Variants in MEGF11 observed in about 807,000 individuals in gnomAD.
MEGF11 encodes the protein multiple epidermal growth factor-like domains protein 11.
MEGF11 carries 126 observed loss-of-function variants against 146.6 expected under a neutral mutation model. The ratio of observed to expected loss-of-function variants is 0.86; its 90% CI spans 0.74 to 1.00. The LOEUF is 1.00. Ranked by LOEUF, MEGF11 falls within the 50% of genes least tolerant of loss-of-function variation. The pLI is 0.00. For synonymous variants in MEGF11, 532 were observed against 583.4 expected (o/e 0.91, Z 1.27); for missense variants, 1,509 against 1,521.2 (o/e 0.99, Z 0.13).
intron 1 of MEGF11, among the ~76,000 whole-genome samples, chr15:66,160,017 A>G (rs774052099): frequency 3.7e-4 from 56 of 151,910 alleles, no homozygotes; most frequent in Non-Finnish European, 2.9e-5. Context: ...CCCTCTCCCC[A>G]TTTTTCTTTG....
chr15:65,909,094 G>A lies in MEGF11; in HGVS notation c.2938C>T (p.Pro980Ser). Residue 980 changes from proline to serine, a missense_variant, in exon 23 of 26, where the codon CCC (proline) becomes TCC (serine). By Grantham distance (74) the Pro-to-Ser change is moderately conservative. Transcript: ENST00000395614. ...CTAAGTTCAATGTAGAAGTCCTCGG[G>A]CGGGTACCTGGCCTCCAGGGCACTG... Reference protein sequence around the residue: ...QISALEARYPPEDFYIELRHL... With the variant: ...QISALEARYPSEDFYIELRHL... The A allele has an allele frequency of 6.5e-7, 1 of 1,535,874 alleles. No homozygotes were observed. Among genetic ancestry groups the A allele is most frequent in the Non-Finnish European group, 8.7e-7 (1 of 1,146,782 alleles).
chr15:66,034,139 C>T (rs142647156), intron 5 of MEGF11, among the ~76,000 whole-genome samples: 23 of 152,290 alleles, frequency 1.5e-4, no homozygotes, highest in Middle Eastern at 3.4e-3. Context: ...CCTTTTGGAA[C>T]GGAAGTGTCT....
At chr15:66,041,635 T>C (rs2140298440) in intron 5 of MEGF11, among the ~76,000 whole-genome samples, 2 of 152,376 alleles carry the variant, frequency 1.3e-5, no homozygotes, top group Middle Eastern at 6.8e-3. Flanking sequence ...TACCTGTGTC[T>C]GCTTTTGCTC....
At chr15:66,150,554 G>A (rs1181635418) in intron 1 of MEGF11, among the ~76,000 whole-genome samples, 2 of 151,392 alleles carry the variant, frequency 1.3e-5, no homozygotes, top group Admixed American at 1.3e-4. Flanking sequence ...TGGGCAAGCA[G>A]GCCTATCCCT....
intron 1 of MEGF11, among the ~76,000 whole-genome samples, chr15:66,145,301 G>A (rs573435447): frequency 6.6e-6 from 1 of 151,818 alleles, no homozygotes; most frequent in African/African-American, 2.4e-5. Context: ...GGAGGAAGCT[G>A]ATATCATATG....
At chr15:65,915,675 C>G in intron 18 of MEGF11, 77 bp from the exon 19 acceptor site, 2 of 1,551,296 alleles carry the variant, frequency 1.3e-6, no homozygotes, top group Non-Finnish European at 1.7e-6. Context: ...ACAGCTATGG[C>G]AATAAGCCTG....
Position 65,982,702 on chromosome 15 carries a change from G to C in MEGF11, c.395-214C>G, listed in dbSNP as rs1275904252. On this transcript the variant is annotated intron_variant, in intron 5 of 25. Transcript: ENST00000395614. The surrounding 1 kb of genome is among the most constrained non-coding windows in gnomAD (Gnocchi z 5.6). ...AGTCGCACAGGCTAAGAAGGGCAGA[G>C]CGTTTGTTTCCTCAAGGCAGCTTCA... Among the ~76,000 whole-genome samples, 1 of 152,222 alleles carries C rather than the reference G, an allele frequency of 6.6e-6. No homozygotes were observed. Among genetic ancestry groups the C allele is most frequent in the Non-Finnish European group, 1.5e-5 (1 of 68,046 alleles).
intron 3 of MEGF11, among the ~76,000 whole-genome samples, chr15:66,122,863 C>T (rs910123167): frequency 6.6e-6 from 1 of 152,156 alleles, no homozygotes. Context: ...ACTGCAAGCT[C>T]CACCTGAATG....
At chr15:66,126,978 C>A (rs980526348) in intron 2 of MEGF11, among the ~76,000 whole-genome samples, 2 of 152,198 alleles carry the variant, frequency 1.3e-5, no homozygotes, top group Non-Finnish European at 2.9e-5. Context: ...CCATGATAAC[C>A]AGTTCCTGCA....
chr15:66,024,709 G>A (rs2083270548), intron 5 of MEGF11, among the ~76,000 whole-genome samples: 1 of 152,152 alleles, frequency 6.6e-6, no homozygotes, highest in African/African-American at 2.4e-5. Context: ...CTGAATCCCT[G>A]GTAGCTCTGG....
chr15:66,073,712 G>C (rs545805028), intron 5 of MEGF11, among the ~76,000 whole-genome samples: 2 of 152,290 alleles, frequency 1.3e-5, no homozygotes, highest in Non-Finnish European at 2.9e-5. Context: ...GCAGAGTTGG[G>C]TGGGCAGCCT....
chr15:66,035,600 C>T (rs1283747870), intron 5 of MEGF11, among the ~76,000 whole-genome samples: 1 of 152,194 alleles, frequency 6.6e-6, no homozygotes, highest in Non-Finnish European at 1.5e-5. Flanking sequence ...TGAGGTCCTT[C>T]CTTATGCATT....
chr15:66,151,249 C>A (rs565210995), intron 1 of MEGF11, among the ~76,000 whole-genome samples: 1 of 152,178 alleles, frequency 6.6e-6, no homozygotes, highest in African/African-American at 2.4e-5. Context: ...CAGACTCCTC[C>A]CTAGACCAGA....
At chr15:66,177,390 G>T (rs1364522391) in intron 1 of MEGF11, among the ~76,000 whole-genome samples, 1 of 152,120 alleles carries the variant, frequency 6.6e-6, no homozygotes, top group African/African-American at 2.4e-5. Flanking sequence ...AATTTTTTGT[G>T]TTTAATTTGT....
At chr15:65,910,243 T>C (rs1308333269) in intron 21 of MEGF11, among the ~76,000 whole-genome samples, 2 of 152,152 alleles carry the variant, frequency 1.3e-5, no homozygotes, top group Non-Finnish European at 2.9e-5. Flanking sequence ...TGGGGCTGAA[T>C]GTGAGATTTT....
intron 1 of MEGF11, among the ~76,000 whole-genome samples, chr15:66,176,487 G>A (rs1389607209): frequency 6.6e-6 from 1 of 152,148 alleles, no homozygotes; most frequent in African/African-American, 2.4e-5. Flanking sequence ...TAGCTATTTA[G>A]ATCTAAATTA....
intron 4 of MEGF11, among the ~76,000 whole-genome samples, chr15:66,118,699 A>T (rs936447353): frequency 6.6e-6 from 1 of 151,888 alleles, no homozygotes; most frequent in African/African-American, 2.4e-5. Flanking sequence ...ATACCCATCC[A>T]TCTCTCCTTC....
At chr15:66,083,420 G>C (rs2085978146) in intron 5 of MEGF11, among the ~76,000 whole-genome samples, 1 of 152,012 alleles carries the variant, frequency 6.6e-6, no homozygotes, top group South Asian at 2.1e-4. Flanking sequence ...AATAGTATTG[G>C]GGAAACTGGA....
chr15:65,919,194 T>A (rs1250116509), intron 15 of MEGF11, among the ~76,000 whole-genome samples: 2 of 152,178 alleles, frequency 1.3e-5, no homozygotes, highest in East Asian at 3.8e-4. Flanking sequence ...TGGACGTGAT[T>A]GGTAGTTGAG....
Sources: allele counts gnomAD v4.1 joint callset (sites outside exome capture counted in the v4.1 genomes callset), GRCh38; gene constraint gnomAD v4.1.1; non-coding constraint Gnocchi (gnomAD v3.1); transcripts MANE v1.5; gene names NCBI Gene and HGNC (gene_info 2026-07-23, HGNC 2026-07-21).